Variants in BOD1L1 observed in about 807,000 individuals in gnomAD.
BOD1L1 encodes biorientation of chromosomes in cell division protein 1-like 1.
BOD1L1 carries 86 observed loss-of-function variants against 240.7 expected under a neutral mutation model. The observed-to-expected ratio is 0.36, with a 90% CI of 0.30 to 0.43. The LOEUF is 0.43. BOD1L1 is among the 20% of genes least tolerant of loss of function. The probability of loss-of-function intolerance (pLI) is 1.00; values close to 1 mark genes in which losing one functional copy is unlikely to be tolerated. For synonymous variants in BOD1L1, 1,268 were observed against 1,272.3 expected (o/e 1.00, Z 0.07); for missense variants, 3,554 against 3,643.5 (o/e 0.98, Z 0.63).
At chr4:13,593,512 G>A (rs1302195922) in intron 12 of BOD1L1, 1 of 151,962 alleles carries the variant, frequency 6.6e-6, no homozygotes, top group Non-Finnish European at 1.5e-5. Flanking sequence ...CATAGGGAGT[G>A]GGAAACTTTT....
In BOD1L1 at chr4:13,604,593, C is replaced by T. The variant is rs1254767123; in HGVS notation, c.2307G>A (p.Glu769=). The change falls in exon 10 of 26, where the codon GAG becomes GAA. Residue 769 remains glutamate, a synonymous_variant. Coordinates refer to ENST00000040738, the MANE Select transcript of BOD1L1 (RefSeq NM_148894.3). ...GTTGACTTTGCTTTTGAATATTTTCCTCTACTTTTAAACCTTTCTCAGAAG... is the reference window on the plus strand; with the variant it reads ...GTTGACTTTGCTTTTGAATATTTTCTTCTACTTTTAAACCTTTCTCAGAAG... ...LHSSEKGLKV[E]ENIQKQSQQT... 5 of 1,569,194 alleles carry T rather than the reference C, an allele frequency of 3.2e-6. No individual in the cohort carries two copies. Among genetic ancestry groups the T allele is most frequent in the African/African-American group, 1.4e-5 (1 of 72,438 alleles).
rs1313989280 is a variant in BOD1L1 at position 13,613,485 on chromosome 4, G to T, written c.1324+27C>A. On this transcript the variant is annotated intron_variant, in intron 5 of 25. Transcript: ENST00000040738. This position sits in a 1 kb window ranked among gnomAD's most constrained non-coding sequence, Gnocchi z 4.0. ...AAATAATGCTTGACAGGATGCTTCAGAGGCATTATTATGTAAAATGCTTTA... is the reference window on the plus strand; with the variant it reads ...AAATAATGCTTGACAGGATGCTTCATAGGCATTATTATGTAAAATGCTTTA... The T allele has an allele frequency of 6.3e-7, 1 of 1,597,686 alleles. No homozygotes were observed. The highest frequency in any genetic ancestry group is 1.1e-5 in the South Asian group (1 of 89,598).
At chr4:13,605,282 C>T (rs963277333) in intron 9 of BOD1L1, among the ~76,000 whole-genome samples, 198 bp from the exon 10 acceptor site, 7 of 152,130 alleles carry the variant, frequency 4.6e-5, no homozygotes, top group African/African-American at 1.7e-4. Flanking sequence ...TTTTAAGAAG[C>T]TAAATTCTTC....
chr4:13,586,479 T>A lies in BOD1L1; in HGVS notation c.8354-4A>T. ...TCCAGGACATCTGGATTATCATCTGTAAATCAGTTTAGACAGAATCACAAA... is the reference window on the plus strand; with the variant it reads ...TCCAGGACATCTGGATTATCATCTGAAAATCAGTTTAGACAGAATCACAAA... On this transcript the variant is annotated splice_polypyrimidine_tract_variant and splice_region_variant and intron_variant, in intron 16 of 25. Transcript: ENST00000040738. 6.3e-7 allele frequency: 1 copy of A among 1,590,830 alleles called. No homozygotes were observed. Among genetic ancestry groups the A allele is most frequent in the Non-Finnish European group, 8.6e-7 (1 of 1,161,086 alleles).
Position 13,601,828 on chromosome 4 carries a change from G to A in BOD1L1, c.5072C>T (p.Thr1691Ile). 3 of 1,613,954 alleles carry A rather than the reference G, an allele frequency of 1.9e-6. No individual in the cohort carries two copies. Among genetic ancestry groups the A allele is most frequent in the Non-Finnish European group, 2.5e-6 (3 of 1,179,894 alleles). Reference sequence around the variant, plus strand: ...TGCTCTTATCTCTGTTCCAGCACTTGTAACTGCTCCATCACTTTCAACTTC... The same window carrying A: ...TGCTCTTATCTCTGTTCCAGCACTTATAACTGCTCCATCACTTTCAACTTC... Reference protein sequence around the residue: ...ISEVESDGAVTSAGTEIRAGS... With the variant: ...ISEVESDGAVISAGTEIRAGS... Residue 1691 changes from threonine (T) to isoleucine (I), a missense_variant, in exon 10 of 26, where the codon ACA becomes ATA. Transcript: ENST00000040738.
chr4:13,582,586 C>T (rs980551733), intron 18 of BOD1L1, 66 bp downstream of exon 18: 21 of 1,217,080 alleles, frequency 1.7e-5, no homozygotes, highest in South Asian at 1.3e-5. Flanking sequence ...ATAGACGTTT[C>T]GGTTGAGAGA....
chr4:13,577,705 G>A (rs1424266065), intron 22 of BOD1L1, 74 bp from the exon 23 acceptor site: 13 of 1,083,530 alleles, frequency 1.2e-5, no homozygotes, highest in African/African-American at 1.6e-5. Context: ...AGCCTGGCTT[G>A]TCTGTCAATG....
Position 13,600,154 on chromosome 4 carries a change from T to C in BOD1L1, c.6746A>G (p.Glu2249Gly). The change falls in exon 10 of 26, where the codon GAA becomes GGA. Residue 2249 changes from glutamate (E) to glycine (G), a missense_variant. By Grantham distance (98) the Glu-to-Gly change is moderately conservative. This residue lies in a region of BOD1L1 where 3,393 missense variants were observed against 3,427.1 expected (regional missense o/e 0.99). Transcript: ENST00000040738. ...AGAGATGATGCCACTCCCGTCTTTT[T>C]CTTCCATGACTGTGCCAGCTCGCTC... ...ENERAGTVME[E>G]KDGSGIISTS... 6.2e-7 allele frequency: 1 copy of C among 1,614,026 alleles called. No individual in the cohort carries two copies. The highest frequency in any genetic ancestry group is 1.1e-5 in the South Asian group (1 of 91,084).
At chr4:13,575,365 C>T (rs951861243) in intron 25 of BOD1L1, among the ~76,000 whole-genome samples, 12 of 152,040 alleles carry the variant, frequency 7.9e-5, no homozygotes, top group Non-Finnish European at 1.6e-4. Flanking sequence ...TTGTAAATCA[C>T]ATTAATTAAA....
rs2108986834 is a variant in BOD1L1, at chr4:13,615,424, A to G, written c.447T>C (p.Pro149=). ...ACTCATGCACAGCTTTCTCTACCTGAGGTCTGAATGTGTGGTTGATCTTTG... is the reference window on the plus strand; with the variant it reads ...ACTCATGCACAGCTTTCTCTACCTGGGGTCTGAATGTGTGGTTGATCTTTG... ...VDPKINHTFR[P]QVEKAVHEFL... The change falls in exon 3 of 26, where the codon CCT becomes CCC. Residue 149 remains proline (P), a synonymous_variant. Coordinates refer to ENST00000040738, the MANE Select transcript of BOD1L1 (RefSeq NM_148894.3). 6.2e-7 allele frequency: 1 copy of G among 1,613,864 alleles called. No individual in the cohort carries two copies. Among genetic ancestry groups the G allele is most frequent in the African/African-American group, 1.3e-5 (1 of 75,050 alleles).
At chr4:13,577,268 T>C in intron 24 of BOD1L1, 135 bp downstream of exon 24, 1 of 802,636 alleles carries the variant, frequency 1.2e-6, no homozygotes, top group East Asian at 2.7e-5. Flanking sequence ...GACACGGGAT[T>C]AGACCTATTT....
At chr4:13,598,314 T>C (rs1394390902) in intron 10 of BOD1L1, among the ~76,000 whole-genome samples, 1 of 152,150 alleles carries the variant, frequency 6.6e-6, no homozygotes, top group Non-Finnish European at 1.5e-5. Context: ...CAGTTAAAAA[T>C]AACATGCTCC....
At chr4:13,596,853 T>C (rs189415116) in intron 11 of BOD1L1, among the ~76,000 whole-genome samples, 2 of 152,314 alleles carry the variant, frequency 1.3e-5, no homozygotes, top group East Asian at 3.9e-4. Flanking sequence ...ATAGATTAAA[T>C]GTGGGATGAC....
In BOD1L1 at chr4:13,602,638, T is replaced by C. The variant is rs1479007329; in HGVS notation, c.4262A>G (p.Asn1421Ser). 5 of 1,613,938 alleles carry C rather than the reference T, an allele frequency of 3.1e-6. No individual in the cohort carries two copies. The African/African-American group carries it at 6.7e-5, about 22-fold the overall frequency. The change falls in exon 10 of 26, where the codon AAT becomes AGT. Residue 1421 changes from asparagine to serine, a missense_variant. Physicochemically the swap from Asn to Ser is conservative, Grantham distance 46. Coordinates refer to ENST00000040738, the MANE Select transcript of BOD1L1 (RefSeq NM_148894.3). Reference sequence around the variant, plus strand: ...TGTTGCTTTAATTGTCTGCTTTAAATTGGGCTCTGCATTTAAGTCATTTTC... The same window carrying C: ...TGTTGCTTTAATTGTCTGCTTTAAACTGGGCTCTGCATTTAAGTCATTTTC... ...KKENDLNAEP[N>S]LKQTIKATVE...
At chr4:13,611,920 C>T (rs1716201805) in intron 5 of BOD1L1, among the ~76,000 whole-genome samples, 1 of 152,182 alleles carries the variant, frequency 6.6e-6, no homozygotes. Context: ...AAGGTTTTCA[C>T]TTCCTACCAT....
Position 13,587,732 on chromosome 4 carries a change from T to C in BOD1L1, c.8320A>G (p.Lys2774Glu). The C allele has an allele frequency of 6.4e-7, 1 of 1,560,080 alleles. No homozygotes were observed. The highest frequency in any genetic ancestry group is 1.9e-5 in the Admixed American group (1 of 52,176). ...EERHMPKRKR[K>E]QHYLSSEDEP... ...TCTTCTGAAGAGAGATAATGCTGCT[T>C]TCTTTTTCTTTTAGGCATATGCCTT... is the stretch of plus-strand genomic sequence containing the variant. Residue 2774 changes from lysine (K) to glutamate (E), a missense_variant, in exon 16 of 26, where the codon AAG becomes GAG. Lys to Glu is a moderately conservative substitution (Grantham distance 56). Around this residue, in one of 2 missense-constraint regions of BOD1L1, gnomAD observed 3,393 missense variants for 3,427.1 expected, o/e 0.99. Transcript: ENST00000040738.
At chr4:13,579,868 C>T (rs1713081750) in intron 22 of BOD1L1, 60 bp downstream of exon 22, 1 of 1,392,114 alleles carries the variant, frequency 7.2e-7, no homozygotes, top group Non-Finnish European at 9.8e-7. Context: ...CCTTCTCCAA[C>T]AGCCAGCCTC....
intron 1 of BOD1L1, among the ~76,000 whole-genome samples, chr4:13,622,427 T>G (rs1227548701): frequency 6.6e-6 from 1 of 152,188 alleles, no homozygotes; most frequent in Non-Finnish European, 1.5e-5. Flanking sequence ...GGAACATGTA[T>G]GTACCCACAT....
intron 21 of BOD1L1, among the ~76,000 whole-genome samples, chr4:13,580,613 A>C (rs1371869186): frequency 6.6e-6 from 1 of 152,214 alleles, no homozygotes; most frequent in Non-Finnish European, 1.5e-5. Context: ...AATATCACTA[A>C]GGAGTTTCCT....
Sources: allele counts gnomAD v4.1 joint callset (sites outside exome capture counted in the v4.1 genomes callset), GRCh38; gene constraint gnomAD v4.1.1; regional missense constraint gnomAD v4.1.1; non-coding constraint Gnocchi (gnomAD v3.1); transcripts MANE v1.5; gene names NCBI Gene and HGNC (gene_info 2026-07-23, HGNC 2026-07-21).